MTX2: variants seen among roughly 807,000 people sequenced by gnomAD.
MTX2 encodes metaxin-2.
MTX2 carries 35 observed loss-of-function variants against 42.3 expected under a neutral mutation model. That is an observed-to-expected ratio of 0.83 (90% CI 0.63 to 1.10). The LOEUF is 1.10. MTX2 is among the 50% of genes least tolerant of loss of function. The probability of loss-of-function intolerance (pLI) is 0.00; values close to 1 mark genes in which losing one functional copy is unlikely to be tolerated. For missense variants in MTX2, 307 were observed against 304.1 expected (o/e 1.01, Z -0.07); for synonymous variants, 119 against 100.9 (o/e 1.18, Z -1.08).
chr2:176,288,138 C>A (rs1693249210), intron 1 of MTX2, among the ~76,000 whole-genome samples: 1 of 152,030 alleles, frequency 6.6e-6, no homozygotes, highest in South Asian at 2.1e-4. Context: ...TCATGACCAT[C>A]ATTATATAGT....
intron 3 of MTX2, among the ~76,000 whole-genome samples, chr2:176,311,344 G>A (rs1684298991): frequency 6.6e-6 from 1 of 152,184 alleles, no homozygotes; most frequent in Non-Finnish European, 1.5e-5. Context: ...CTTCGAGTTA[G>A]GCTACACGGG....
intron 9 of MTX2, 35 bp downstream of exon 9, chr2:176,330,695 G>A (rs760535155): frequency 7.3e-7 from 1 of 1,373,556 alleles, no homozygotes; most frequent in Non-Finnish European, 1.0e-6. Context: ...TTAATTTTCT[G>A]TACTGTTAGG....
chr2:176,283,963 T>C (rs1462842077), intron 1 of MTX2, among the ~76,000 whole-genome samples: 1 of 149,718 alleles, frequency 6.7e-6, no homozygotes, highest in Non-Finnish European at 1.5e-5. Flanking sequence ...TCAGTGCTTC[T>C]TTTTTTTTTA....
intron 1 of MTX2, among the ~76,000 whole-genome samples, chr2:176,288,538 C>T (rs148748655): frequency 2.0e-5 from 3 of 150,728 alleles, no homozygotes; most frequent in Non-Finnish European, 4.4e-5. Flanking sequence ...GTTTCTTGCT[C>T]CTTTTATATA....
At chr2:176,284,166 A>C (rs1426301285) in intron 1 of MTX2, among the ~76,000 whole-genome samples, 1 of 151,702 alleles carries the variant, frequency 6.6e-6, no homozygotes, top group African/African-American at 2.4e-5. Context: ...GCGTGCCTCA[A>C]ACTTCTGGGC....
chr2:176,316,484 C>T (rs918440423), intron 3 of MTX2, among the ~76,000 whole-genome samples: 1 of 152,130 alleles, frequency 6.6e-6, no homozygotes, highest in African/African-American at 2.4e-5. Flanking sequence ...TTACTACAGC[C>T]TCAACCTCCT....
In MTX2 at chr2:176,337,746, T is replaced by A; in HGVS notation, c.*82T>A. 1 of 1,288,700 alleles carries A rather than the reference T, an allele frequency of 7.8e-7. No homozygotes were observed. Among genetic ancestry groups the A allele is most frequent in the Middle Eastern group, 2.0e-4 (1 of 5,118 alleles). 79.8% of individuals were successfully genotyped at this position (1,288,700 alleles called of 1,614,324 possible). ...ACATTAGATATTGGTGTCAGAATTT[T>A]AAAACCAAATTACTGCTTTTTGAAA... On this transcript the variant is annotated 3_prime_UTR_variant, in exon 10 of 10. Coordinates refer to ENST00000249442, the MANE Select transcript of MTX2 (RefSeq NM_006554.5).
chr2:176,302,959 T>G (rs1248654686), intron 3 of MTX2, among the ~76,000 whole-genome samples: 1 of 152,186 alleles, frequency 6.6e-6, no homozygotes. Flanking sequence ...GCAGGTTGAT[T>G]ACTGCCTTAG....
intron 1 of MTX2, among the ~76,000 whole-genome samples, chr2:176,269,991 C>T (rs1003527281): frequency 2.6e-5 from 4 of 152,030 alleles, no homozygotes; most frequent in African/African-American, 7.2e-5. Flanking sequence ...GGCGTTACCA[C>T]AGGGGCAAGC....
intron 1 of MTX2, among the ~76,000 whole-genome samples, chr2:176,280,417 T>C (rs1163718539): frequency 6.6e-6 from 1 of 152,222 alleles, no homozygotes; most frequent in Non-Finnish European, 1.5e-5. Flanking sequence ...TCAAAAGTCT[T>C]AACTGGCAAG....
chr2:176,299,555 A>G (rs1459598048), intron 3 of MTX2, among the ~76,000 whole-genome samples: 1 of 152,128 alleles, frequency 6.6e-6, no homozygotes, highest in Non-Finnish European at 1.5e-5. Flanking sequence ...CAATGTTTTT[A>G]TCCTACATAT....
At chr2:176,286,866 A>G (rs1310428554) in intron 1 of MTX2, among the ~76,000 whole-genome samples, 2 of 152,090 alleles carry the variant, frequency 1.3e-5, no homozygotes. Flanking sequence ...GGTCATTTTA[A>G]TCTTTTGCTT....
At chr2:176,318,801 G>C (rs1684506701) in intron 3 of MTX2, among the ~76,000 whole-genome samples, 1 of 152,142 alleles carries the variant, frequency 6.6e-6, no homozygotes, top group Non-Finnish European at 1.5e-5. Flanking sequence ...CTGTCTGATA[G>C]ACATCCAGTA....
intron 3 of MTX2, among the ~76,000 whole-genome samples, chr2:176,318,772 CTGT>C (rs1251191603): frequency 6.6e-6 from 1 of 152,162 alleles, no homozygotes; most frequent in Non-Finnish European, 1.5e-5. Context: ...GTACTGATTA[CTGT>C]TGTTATATAT....
intron 3 of MTX2, among the ~76,000 whole-genome samples, chr2:176,300,810 G>A (rs1450859580): frequency 3.9e-5 from 6 of 152,068 alleles, no homozygotes; most frequent in Non-Finnish European, 8.8e-5. Context: ...GATTGAATAT[G>A]TTAACATATT....
rs778438221 is a variant in MTX2, at chr2:176,296,900, A to G, written c.81A>G (p.Gln27=). Residue 27 remains glutamine (Q), a synonymous_variant, in exon 2 of 10, where the codon CAA becomes CAG. Coordinates refer to ENST00000249442, the MANE Select transcript of MTX2 (RefSeq NM_006554.5). The part of the protein sequence containing the change: ...PWPENATLYQ[Q]LKGEQILLSD... ...CTGAAAATGCTACATTATATCAGCA[A>G]TTGAAAGGTAAGTCTTGTTCACAAT... The G allele has an allele frequency of 3.1e-6, 5 of 1,613,148 alleles. No homozygotes were observed. The South Asian group carries it at 3.3e-5, about 11-fold the overall frequency.
At chr2:176,293,272 T>C (rs749334185) in intron 1 of MTX2, among the ~76,000 whole-genome samples, 9 of 152,204 alleles carry the variant, frequency 5.9e-5, no homozygotes, top group Non-Finnish European at 1.2e-4. Flanking sequence ...TAAATTTCTT[T>C]TAAAAAATCA....
At chr2:176,334,827 G>A (rs545875945) in intron 9 of MTX2, among the ~76,000 whole-genome samples, 1 of 152,088 alleles carries the variant, frequency 6.6e-6, no homozygotes, top group Admixed American at 6.6e-5. Flanking sequence ...CATTGCCTTT[G>A]AAGAGCTTGG....
At chr2:176,299,567 T>C (rs1036503198) in intron 3 of MTX2, among the ~76,000 whole-genome samples, 5 of 152,138 alleles carry the variant, frequency 3.3e-5, no homozygotes, top group African/African-American at 1.2e-4. Flanking sequence ...CCTACATATG[T>C]CACTTCGATG....
Sources: gnomAD v4.1 joint callset for allele counts (sites outside exome capture counted in the v4.1 genomes callset) on GRCh38, gnomAD v4.1.1 for gene constraint, MANE v1.5 for transcripts, NCBI Gene and HGNC (gene_info 2026-07-23, HGNC 2026-07-21) for gene names.